PKHD1L1: variants seen among roughly 807,000 people sequenced by gnomAD.
PKHD1L1 encodes PKHD1 like 1, also known as fibrocystin-L.
In PKHD1L1, 434 loss-of-function variants were observed where a neutral mutation model predicts 462.9. The observed-to-expected ratio is 0.94, with a 90% confidence interval of 0.87 to 1.02. The LOEUF (loss-of-function observed/expected upper bound fraction) is 1.02. PKHD1L1 is among the 50% of genes least tolerant of loss of function. The pLI, the probability that PKHD1L1 is intolerant of heterozygous loss-of-function variation, is 0.00. For missense variants in PKHD1L1, 5,202 were observed against 5,096.1 expected, an observed-to-expected ratio of 1.02 and a Z score of -0.63; for synonymous variants, 1,781 against 1,750.0, an observed-to-expected ratio of 1.02 and a Z score of -0.44.
chr8:109,432,190 C>A (rs1206026615), intron 27 of PKHD1L1, among the ~76,000 whole-genome samples: 2 of 152,048 alleles, frequency 1.3e-5, no homozygotes, highest in Non-Finnish European at 2.9e-5. Flanking sequence ...TTTATGTTTA[C>A]CAATCCTTTG....
At chr8:109,393,278 C>T (rs573948152) in intron 9 of PKHD1L1, among the ~76,000 whole-genome samples, 5 of 151,478 alleles carry the variant, frequency 3.3e-5, no homozygotes, top group Middle Eastern at 3.4e-3. Context: ...TTGTTGGTCT[C>T]GGTGACAAGA....
intron 56 of PKHD1L1, among the ~76,000 whole-genome samples, chr8:109,482,104 G>C (rs1208842323): frequency 1.6e-5 from 2 of 126,068 alleles, no homozygotes; most frequent in Non-Finnish European, 3.4e-5. Flanking sequence ...AGCTCAGAAA[G>C]CAAATGGCTT....
Position 109,443,807 on chromosome 8 carries a change from C to T in PKHD1L1, c.4696C>T (p.Pro1566Ser). Reference protein sequence around the residue: ...LLFEVSSCFSPSISNITPSTG... With the variant: ...LLFEVSSCFSSSISNITPSTG... ...ATTTGAGGTTTCAAGTTGTTTTTCA[C>T]CATCTATAAGCAACATTACTCCGTC... Residue 1566 changes from proline (P) to serine (S), a missense_variant, in exon 37 of 78, where the codon CCA (proline) becomes TCA (serine). Around this residue, in one of 3 missense-constraint regions of PKHD1L1, gnomAD observed 4,497 missense variants for 4,336.8 expected, o/e 1.04. Coordinates refer to ENST00000378402, the MANE Select transcript of PKHD1L1 (RefSeq NM_177531.6). The T allele has an allele frequency of 1.2e-6, 2 of 1,613,738 alleles. No homozygotes were observed. The highest frequency in any genetic ancestry group is 1.7e-6 in the Non-Finnish European group (2 of 1,179,756).
At chr8:109,526,681 G>C in intron 76 of PKHD1L1, 103 bp from the exon 77 acceptor site, 1 of 970,220 alleles carries the variant, frequency 1.0e-6, no homozygotes, top group South Asian at 1.7e-5. Context: ...TATTTCATCA[G>C]GATCTATATA....
At chr8:109,527,130 G>T (rs1053830381) in intron 77 of PKHD1L1, 110 bp downstream of exon 77, 2 of 944,018 alleles carry the variant, frequency 2.1e-6, no homozygotes, top group East Asian at 2.6e-5. Context: ...TGTGCACAAA[G>T]AGAAAGTAAC....
chr8:109,529,006 A>G (rs1407848165), intron 77 of PKHD1L1, among the ~76,000 whole-genome samples: 2 of 152,210 alleles, frequency 1.3e-5, no homozygotes, highest in Non-Finnish European at 2.9e-5. Flanking sequence ...GAGATACTGT[A>G]TAATAAAGTC....
At chr8:109,448,958 CT>C (rs1816326323) in intron 39 of PKHD1L1, among the ~76,000 whole-genome samples, 2 of 152,064 alleles carry the variant, frequency 1.3e-5, no homozygotes, top group South Asian at 2.1e-4. Flanking sequence ...AAATTAGTAT[CT>C]TTTTTATTTA....
chr8:109,387,252 G>C (rs1233846146), intron 6 of PKHD1L1, among the ~76,000 whole-genome samples: 3 of 152,176 alleles, frequency 2.0e-5, no homozygotes, highest in Non-Finnish European at 4.4e-5. Context: ...CATGCAAATG[G>C]ATAGAGGGAT....
At chr8:109,402,862 T>C (rs1813343202) in intron 14 of PKHD1L1, among the ~76,000 whole-genome samples, 1 of 152,196 alleles carries the variant, frequency 6.6e-6, no homozygotes, top group Non-Finnish European at 1.5e-5. Context: ...ATGTTCTTGC[T>C]GAGGTCTTAG....
At chr8:109,389,043 C>A in intron 7 of PKHD1L1, 36 bp from the exon 8 acceptor site, 1 of 1,336,894 alleles carries the variant, frequency 7.5e-7, no homozygotes, top group Non-Finnish European at 1.1e-6. Flanking sequence ...ATTTTAGTGT[C>A]TATATAAGCT....
At position 109,443,818 on chromosome 8, in the gene PKHD1L1, C is replaced by A; in HGVS notation, c.4707C>A (p.Ser1569Arg). 6.2e-7 allele frequency: 1 copy of A among 1,613,784 alleles called. No homozygotes were observed. The highest frequency in any genetic ancestry group is 8.5e-7 in the Non-Finnish European group (1 of 1,179,770). The stretch of plus-strand genomic sequence containing the variant: ...CAAGTTGTTTTTCACCATCTATAAG[C>A]AACATTACTCCGTCCACTGGAACAG... ...EVSSCFSPSI[S>R]NITPSTGTVN... is the part of the protein sequence containing the mutation. The change falls in exon 37 of 78, where the codon AGC becomes AGA. Residue 1569 changes from serine to arginine, a missense_variant. Coordinates refer to ENST00000378402, the MANE Select transcript of PKHD1L1 (RefSeq NM_177531.6).
intron 38 of PKHD1L1, among the ~76,000 whole-genome samples, chr8:109,446,147 A>G (rs1233426748): frequency 1.3e-5 from 2 of 152,190 alleles, no homozygotes; most frequent in Non-Finnish European, 2.9e-5. Flanking sequence ...GATTTTCTTA[A>G]TTACTTAGCA....
rs771060359 is a variant in PKHD1L1, at chr8:109,518,295, G to A, written c.11818G>A (p.Val3940Ile). ...AATTCACACTGCCACAGTGATATTT[G>A]TTTCTTTCCAATTATCTGTTGCAAC... is the stretch of plus-strand genomic sequence containing the variant. ...VEIHTATVIF[V>I]SFQLSVATED... is the part of the protein sequence containing the mutation. Residue 3940 changes from valine (V) to isoleucine (I), a missense_variant, in exon 73 of 78, where the codon GTT becomes ATT. This residue lies in a region of PKHD1L1 where 698 missense variants were observed against 736.3 expected (regional missense o/e 0.95). Transcript: ENST00000378402. 1.9e-6 allele frequency: 3 copies of A among 1,612,516 alleles called. No individual in the cohort carries two copies. In the South Asian group the frequency reaches 3.3e-5, roughly 18 times the overall value.
chr8:109,405,097 C>A lies in PKHD1L1; in HGVS notation c.1636C>A (p.Gln546Lys). The A allele has an allele frequency of 6.7e-7, 1 of 1,502,886 alleles. No individual in the cohort carries two copies. Among genetic ancestry groups the A allele is most frequent in the East Asian group, 2.4e-5 (1 of 41,392 alleles). The allele number at this position is 1,502,886 out of a possible 1,614,324, so 93.1% of individuals were successfully genotyped here. A position where few individuals can be genotyped will look rare whatever the true frequency, so the allele number is the denominator to read the frequency against. ...GGAAGCTAATTCATGTTCACTTTAC[C>A]AATATAGATTAATCTATAATATGGA... ...CVEANSCSLY[Q>K]YRLIYNMEKT... The change falls in exon 16 of 78, where the codon CAA (glutamine) becomes AAA (lysine). Residue 546 changes from glutamine (Q) to lysine (K), a missense_variant. This residue lies in a region of PKHD1L1 where 4,497 missense variants were observed against 4,336.8 expected (regional missense o/e 1.04). Coordinates refer to ENST00000378402, the MANE Select transcript of PKHD1L1 (RefSeq NM_177531.6).
chr8:109,381,398 T>C lies in PKHD1L1; in HGVS notation c.192T>C (p.Tyr64=), dbSNP rs901461757. The part of the protein sequence containing the change: ...EGFSQANQFN[Y]GVDNAELGNS... ...TTTCTCAAGCAAACCAGTTTAACTA[T>C]GGAGTTGATAACGCTGAGTTGGGAA... Residue 64 remains tyrosine, a synonymous_variant, in exon 3 of 78, where the codon TAT becomes TAC. Transcript: ENST00000378402. The C allele has an allele frequency of 3.2e-6, 5 of 1,579,538 alleles. No homozygotes were observed. The highest frequency in any genetic ancestry group is 4.6e-5 in the East Asian group (2 of 43,724).
At position 109,464,884 on chromosome 8, in the gene PKHD1L1, G is replaced by A. The variant is rs755378420; in HGVS notation, c.8052G>A (p.Glu2684=). The change falls in exon 49 of 78, where the codon GAG becomes GAA. Residue 2684 remains glutamate, a synonymous_variant. Coordinates refer to ENST00000378402, the MANE Select transcript of PKHD1L1 (RefSeq NM_177531.6). ...VMVNNYEAGI[E]TKRILAPYVG... ...TGAATAACTATGAGGCTGGAATTGA[G>A]ACTAAGAGGATCCTGGCTCCTTATG... The A allele has an allele frequency of 6.2e-7, 1 of 1,613,828 alleles. No homozygotes were observed. The highest frequency in any genetic ancestry group is 8.5e-7 in the Non-Finnish European group (1 of 1,179,802).
Position 109,389,086 on chromosome 8 carries a change from C to G in PKHD1L1, c.631C>G (p.Leu211Val), listed in dbSNP as rs1451379884. 6.2e-7 allele frequency: 1 copy of G among 1,604,560 alleles called. No individual in the cohort carries two copies. The highest frequency in any genetic ancestry group is 8.5e-7 in the Non-Finnish European group (1 of 1,173,054). Reference protein sequence around the residue: ...LIPQSDNLYGLKLDHPNGDMG... With the variant: ...LIPQSDNLYGVKLDHPNGDMG... Reference sequence around the variant, plus strand: ...TAACTTTTTTTTAATTAGATATGGTCTAAAACTGGATCATCCAAATGGAGA... The same window carrying G: ...TAACTTTTTTTTAATTAGATATGGTGTAAAACTGGATCATCCAAATGGAGA... Residue 211 changes from leucine to valine, a missense_variant, in exon 8 of 78, where the codon CTA becomes GTA. Coordinates refer to ENST00000378402, the MANE Select transcript of PKHD1L1 (RefSeq NM_177531.6).
Position 109,452,190 on chromosome 8 carries a change from G to A in PKHD1L1, c.6417G>A (p.Lys2139=). 6.2e-7 allele frequency: 1 copy of A among 1,613,360 alleles called. No individual in the cohort carries two copies. The highest frequency in any genetic ancestry group is 8.5e-7 in the Non-Finnish European group (1 of 1,179,584). The part of the protein sequence containing the change: ...EAKCDVEYSN[K]THIICMTDAH... ...AATGTGATGTTGAGTATTCCAACAA[G>A]ACACACATCATCTGCATGACAGATG... The change falls in exon 42 of 78, where the codon AAG becomes AAA. Residue 2139 remains lysine, a synonymous_variant. Coordinates refer to ENST00000378402, the MANE Select transcript of PKHD1L1 (RefSeq NM_177531.6).
chr8:109,455,092 C>A (rs994996186), intron 45 of PKHD1L1, among the ~76,000 whole-genome samples: 2 of 152,176 alleles, frequency 1.3e-5, no homozygotes, highest in Non-Finnish European at 2.9e-5. Context: ...AATCCCAGCA[C>A]CTGGGGAAGC....
Sources: allele counts gnomAD v4.1 joint callset (sites outside exome capture counted in the v4.1 genomes callset), GRCh38; gene constraint gnomAD v4.1.1; regional missense constraint gnomAD v4.1.1; transcripts MANE v1.5; gene names NCBI Gene and HGNC (gene_info 2026-07-23, HGNC 2026-07-21).